Variants in METTL24 observed in about 807,000 individuals in gnomAD.
METTL24 encodes probable methyltransferase-like protein 24.
A neutral mutation model predicts 32.7 loss-of-function variants in METTL24; 29 were observed. The ratio of observed to expected loss-of-function variants is 0.89; its 90% CI spans 0.66 to 1.21. The LOEUF (loss-of-function observed/expected upper bound fraction) is 1.21. METTL24 is among the 50% of genes most tolerant of loss of function. The pLI, the probability that METTL24 is intolerant of heterozygous loss-of-function variation, is 0.00. For missense variants in METTL24, 439 were observed against 468.1 expected, an observed-to-expected ratio of 0.94 and a Z score of 0.57; for synonymous variants, 163 against 179.5, an observed-to-expected ratio of 0.91 and a Z score of 0.73.
intron 3 of METTL24, among the ~76,000 whole-genome samples, chr6:110,301,910 T>C (rs1305536535): frequency 2.0e-5 from 3 of 152,172 alleles, no homozygotes; most frequent in African/African-American, 7.2e-5. Context: ...ATTAAATTTG[T>C]CAAAACTTAG....
At chr6:110,268,331 TG>T (rs1770895401) in intron 4 of METTL24, among the ~76,000 whole-genome samples, 1 of 152,108 alleles carries the variant, frequency 6.6e-6, no homozygotes. Flanking sequence ...GGATTCTAAC[TG>T]GGTCTGACTT....
At chr6:110,246,854 A>G (rs528091612) in intron 4 of METTL24, among the ~76,000 whole-genome samples, 69 of 152,286 alleles carry the variant, frequency 4.5e-4, no homozygotes, top group Non-Finnish European at 8.7e-4. Flanking sequence ...CTGGACATCA[A>G]TGAAAAAGTT....
chr6:110,294,231 T>C (rs185522960), intron 4 of METTL24, among the ~76,000 whole-genome samples: 51 of 152,094 alleles, frequency 3.4e-4, no homozygotes, highest in Non-Finnish European at 5.4e-4. Flanking sequence ...GTGAAAAATA[T>C]GTGACGGTTC....
chr6:110,265,540 A>G (rs1770841135), intron 4 of METTL24, among the ~76,000 whole-genome samples: 1 of 152,200 alleles, frequency 6.6e-6, no homozygotes, highest in African/African-American at 2.4e-5. Context: ...TCATGTAACT[A>G]AAATCTGAGC....
At chr6:110,302,885 A>G (rs978669752) in intron 3 of METTL24, among the ~76,000 whole-genome samples, 1 of 152,190 alleles carries the variant, frequency 6.6e-6, no homozygotes, top group African/African-American at 2.4e-5. Flanking sequence ...ATGGCTGAAT[A>G]GAAAGAGCTC....
intron 3 of METTL24, among the ~76,000 whole-genome samples, chr6:110,302,979 G>A (rs1371923054): frequency 6.6e-6 from 1 of 152,104 alleles, no homozygotes; most frequent in East Asian, 1.9e-4. Flanking sequence ...ATCTCATTGG[G>A]ACTGGTTAGA....
At chr6:110,312,471 T>C (rs1435220435) in intron 3 of METTL24, among the ~76,000 whole-genome samples, 1 of 151,938 alleles carries the variant, frequency 6.6e-6, no homozygotes, top group Non-Finnish European at 1.5e-5. Context: ...TAGTGATAAA[T>C]AAAGAAAATG....
At chr6:110,271,678 T>A (rs567755280) in intron 4 of METTL24, among the ~76,000 whole-genome samples, 4 of 152,182 alleles carry the variant, frequency 2.6e-5, no homozygotes, top group Non-Finnish European at 5.9e-5. Context: ...TCTAAAAAAG[T>A]CAATTTTCAG....
At chr6:110,300,309 T>A (rs1195508561) in intron 3 of METTL24, among the ~76,000 whole-genome samples, 2 of 152,104 alleles carry the variant, frequency 1.3e-5, no homozygotes, top group Admixed American at 1.3e-4. Flanking sequence ...TACGGAGGGA[T>A]GACTGACTAT....
chr6:110,250,054 T>C (rs1311715313), intron 4 of METTL24, among the ~76,000 whole-genome samples: 1 of 152,004 alleles, frequency 6.6e-6, no homozygotes, highest in African/African-American at 2.4e-5. Context: ...GGCACAAGTT[T>C]ATCCCTGTGA....
At chr6:110,322,611 C>G (rs140825042) in intron 2 of METTL24, 163 bp downstream of exon 2, 259 of 510,254 alleles carry the variant, frequency 5.1e-4, no homozygotes, top group African/African-American at 4.4e-3. Context: ...ATCTTATCTG[C>G]CTCCAAGTGA....
At chr6:110,260,292 C>T (rs1196806847) in intron 4 of METTL24, among the ~76,000 whole-genome samples, 1 of 152,216 alleles carries the variant, frequency 6.6e-6, no homozygotes, top group Admixed American at 6.5e-5. Context: ...AGCTGAAAAC[C>T]ATGGCACGAG....
At chr6:110,339,639 C>A (rs1772312728) in intron 1 of METTL24, among the ~76,000 whole-genome samples, 1 of 152,114 alleles carries the variant, frequency 6.6e-6, no homozygotes, top group African/African-American at 2.4e-5. Context: ...CAGCCAGGGG[C>A]AATACACACA....
At chr6:110,253,813 C>T (rs1047833715) in intron 4 of METTL24, 4 of 1,173,492 alleles carry the variant, frequency 3.4e-6, no homozygotes, top group Non-Finnish European at 4.5e-6. Context: ...TTCAAATCTG[C>T]TTTTTAACAT....
chr6:110,266,757 T>C (rs1205646473), intron 4 of METTL24, among the ~76,000 whole-genome samples: 1 of 152,166 alleles, frequency 6.6e-6, no homozygotes, highest in Admixed American at 6.6e-5. Context: ...TTCTGGAATA[T>C]ACTTAAGCAG....
chr6:110,330,769 G>A (rs1203627310), intron 1 of METTL24, among the ~76,000 whole-genome samples: 1 of 152,150 alleles, frequency 6.6e-6, no homozygotes. Context: ...CTTGAGGCCT[G>A]GACCCAACCA....
intron 2 of METTL24, among the ~76,000 whole-genome samples, chr6:110,319,702 T>G (rs1346722181): frequency 6.6e-6 from 1 of 151,944 alleles, no homozygotes; most frequent in African/African-American, 2.4e-5. Flanking sequence ...TCGTGTATCA[T>G]GGTCTTTCAC....
At chr6:110,320,661 C>T (rs983271108) in intron 2 of METTL24, among the ~76,000 whole-genome samples, 1 of 152,174 alleles carries the variant, frequency 6.6e-6, no homozygotes, top group Non-Finnish European at 1.5e-5. Context: ...AATAATTATA[C>T]ATCCAGTTAT....
intron 4 of METTL24, among the ~76,000 whole-genome samples, chr6:110,263,549 A>G (rs1209180582): frequency 1.3e-5 from 2 of 152,188 alleles, no homozygotes; most frequent in Admixed American, 1.3e-4. Flanking sequence ...TACTGCCCAA[A>G]GTAATTTATA....
Sources: gnomAD v4.1 joint callset for allele counts (sites outside exome capture counted in the v4.1 genomes callset) on GRCh38, gnomAD v4.1.1 for gene constraint, MANE v1.5 for transcripts, NCBI Gene and HGNC (gene_info 2026-07-23, HGNC 2026-07-21) for gene names.